The following NFE2L3 variants were observed in gnomAD, a reference collection of about 807,000 sequenced individuals.
NFE2L3 encodes NFE2 like bZIP transcription factor 3.
Under a neutral mutation model 23.5 loss-of-function variants are expected in NFE2L3, and 18 were observed. That is an observed-to-expected ratio of 0.77 (90% CI 0.53 to 1.13). The LOEUF (loss-of-function observed/expected upper bound fraction) is 1.13, where lower values mean the gene tolerates loss of function less well. Ranked by LOEUF, NFE2L3 falls within the 50% of genes most tolerant of loss-of-function variation. The probability of loss-of-function intolerance (pLI) is 0.00; values close to 1 mark genes in which losing one functional copy is unlikely to be tolerated. For synonymous variants in NFE2L3, 424 were observed against 354.5 expected (o/e 1.20, Z -2.20); for missense variants, 1,152 against 877.2 (o/e 1.31, Z -3.96).
At chr7:26,160,346 AGGT>A (rs1784149064) in intron 1 of NFE2L3, among the ~76,000 whole-genome samples, 1 of 152,182 alleles carries the variant, frequency 6.6e-6, no homozygotes, top group Admixed American at 6.5e-5. Flanking sequence ...GTGGAGTTGC[AGGT>A]GGTGGTTGGC....
chr7:26,155,856 C>T (rs954348930), intron 1 of NFE2L3, among the ~76,000 whole-genome samples: 1 of 152,118 alleles, frequency 6.6e-6, no homozygotes, highest in Non-Finnish European at 1.5e-5. Flanking sequence ...TGTCTCATGT[C>T]AAGTGGGAGA....
chr7:26,183,428 A>G (rs1782381303), intron 2 of NFE2L3, among the ~76,000 whole-genome samples: 1 of 151,968 alleles, frequency 6.6e-6, no homozygotes, highest in Non-Finnish European at 1.5e-5. Context: ...CACAGCTGTA[A>G]TCCCAGCTAC....
intron 1 of NFE2L3, among the ~76,000 whole-genome samples, chr7:26,175,192 CA>C (rs55911511): frequency 0.062 from 6,347 of 101,766 alleles, 182 homozygotes; most frequent in Admixed American, 0.12. Context: ...TAAAAAATAC[CA>C]AAAAAAAAAA....
intron 1 of NFE2L3, among the ~76,000 whole-genome samples, chr7:26,170,196 A>G (rs554602454): frequency 6.6e-6 from 1 of 152,308 alleles, no homozygotes; most frequent in Non-Finnish European, 1.5e-5. Context: ...CAGGTTTTCA[A>G]GACTGATGTG....
intron 1 of NFE2L3, among the ~76,000 whole-genome samples, chr7:26,154,608 A>G (rs1784053268): frequency 6.6e-6 from 1 of 152,074 alleles, no homozygotes; most frequent in South Asian, 2.1e-4. Context: ...TGGAGTGCAA[A>G]GGTGCAATGA....
At chr7:26,183,666 T>C in intron 2 of NFE2L3, 35 bp from the exon 3 acceptor site, 2 of 1,351,628 alleles carry the variant, frequency 1.5e-6, no homozygotes, top group Non-Finnish European at 2.1e-6. Context: ...TTCAGTCTTT[T>C]ATGTGAAAGA....
chr7:26,166,881 C>T (rs1474372803), intron 1 of NFE2L3, among the ~76,000 whole-genome samples: 1 of 152,206 alleles, frequency 6.6e-6, no homozygotes, highest in Non-Finnish European at 1.5e-5. Context: ...TTTGAAGGTT[C>T]TTCCAACCCT....
rs539839421 is a variant in NFE2L3, at chr7:26,184,552, T to C, written c.854T>C (p.Ile285Thr). The C allele has an allele frequency of 4.1e-5, 66 of 1,611,872 alleles. 2 individuals carry two copies. Among genetic ancestry groups the C allele is most frequent in the Middle Eastern group, 3.3e-4 (2 of 6,052 alleles). The change falls in exon 4 of 4, where the codon ATT (isoleucine) becomes ACT (threonine). Residue 285 changes from isoleucine to threonine, a missense_variant. Coordinates refer to ENST00000056233, the MANE Select transcript of NFE2L3 (RefSeq NM_004289.7). ...TTTCAGGGCATCTCATTGGGAGATA[T>C]TCCTCTTCCAGGCAGTATCAGTGAT... ...NSLEGISLGDIPLPGSISDGM... is the reference protein window; with the variant it reads ...NSLEGISLGDTPLPGSISDGM...
At chr7:26,183,973 T>A (rs1325763482) in intron 3 of NFE2L3, 189 bp downstream of exon 3, 1 of 539,190 alleles carries the variant, frequency 1.9e-6, no homozygotes, top group Non-Finnish European at 3.3e-6. Flanking sequence ...AAAGGTATAA[T>A]CAAATTTAGA....
At chr7:26,159,084 G>T (rs1205000881) in intron 1 of NFE2L3, among the ~76,000 whole-genome samples, 3 of 152,132 alleles carry the variant, frequency 2.0e-5, no homozygotes, top group Non-Finnish European at 4.4e-5. Context: ...GCGTTTTGTG[G>T]GATGCCTCCT....
Position 26,152,416 on chromosome 7 carries a change from C to T in NFE2L3, c.-83C>T, listed in dbSNP as rs1383075409. The T allele has an allele frequency of 3.9e-5, 39 of 1,004,852 alleles. No homozygotes were observed. Among genetic ancestry groups the T allele is most frequent in the Non-Finnish European group, 4.7e-5 (37 of 794,098 alleles). The allele number at this position is 1,004,852 out of a possible 1,614,324, so 62.2% of individuals were successfully genotyped here. On this transcript the variant is annotated 5_prime_UTR_variant, in exon 1 of 4. Transcript: ENST00000056233. The surrounding 1 kb of genome is among the most constrained non-coding windows in gnomAD (Gnocchi z 4.4). ...GTTCCAGGCAGGTGCGGGCGGCGCGCGGGGTCCGCACGTGTCACCCCGGCG... is the reference window on the plus strand; with the variant it reads ...GTTCCAGGCAGGTGCGGGCGGCGCGTGGGGTCCGCACGTGTCACCCCGGCG...
At position 26,185,395 on chromosome 7, in the gene NFE2L3, T is replaced by G. The variant is rs571354002; in HGVS notation, c.1697T>G (p.Leu566Ter). The change falls in exon 4 of 4, where the codon TTA becomes TGA. Residue 566 changes from leucine (L) to a stop codon, truncating the protein, a stop_gained. Transcript: ENST00000056233. LOFTEE classifies it low-confidence loss of function (END_TRUNC). ...GMPVDSFNSM[L>*]SRYYLTDLQV... ...CCTGTTGATTCTTTCAATAGCATGTTAAGTAGATATTATCTGACAGACCTA... is the reference window on the plus strand; with the variant it reads ...CCTGTTGATTCTTTCAATAGCATGTGAAGTAGATATTATCTGACAGACCTA... 53 of 1,614,150 alleles carry G rather than the reference T, an allele frequency of 3.3e-5. No individual in the cohort carries two copies. In the South Asian group the frequency reaches 5.4e-4, roughly 16 times the overall value.
In NFE2L3 at chr7:26,182,118, AAATT is replaced by A. The variant is rs1216109185; in HGVS notation, c.751-1580_751-1577del. Among the ~76,000 whole-genome samples, 2 of 152,234 alleles carry A rather than the reference AAATT, an allele frequency of 1.3e-5. 1 individual carries two copies. The highest frequency in any genetic ancestry group is 4.8e-5 in the African/African-American group (2 of 41,452). On this transcript the variant is annotated intron_variant, in intron 2 of 3. Coordinates refer to ENST00000056233, the MANE Select transcript of NFE2L3 (RefSeq NM_004289.7). ...ACTACACAGAGCTCCTAACGAAAACAAATTAAGTCCTAGACATACCAGATTGAAA... is the reference window on the plus strand; with the variant it reads ...ACTACACAGAGCTCCTAACGAAAACAAAGTCCTAGACATACCAGATTGAAA...
At chr7:26,157,314 A>G (rs1477603678) in intron 1 of NFE2L3, among the ~76,000 whole-genome samples, 1 of 151,450 alleles carries the variant, frequency 6.6e-6, no homozygotes, top group African/African-American at 2.4e-5. Flanking sequence ...AGTAGCTGGG[A>G]CTACAGACGC....
At chr7:26,181,583 T>C (rs1259657043) in intron 2 of NFE2L3, among the ~76,000 whole-genome samples, 4 of 152,064 alleles carry the variant, frequency 2.6e-5, no homozygotes, top group African/African-American at 2.4e-5. Context: ...GAAAATGATA[T>C]AAACACTGGT....
In NFE2L3 at chr7:26,153,027, C is replaced by T. The variant is rs1309069473; in HGVS notation, c.529C>T (p.Pro177Ser). 3 of 1,525,896 alleles carry T rather than the reference C, an allele frequency of 2.0e-6. No homozygotes were observed. Among genetic ancestry groups the T allele is most frequent in the East Asian group, 2.6e-5 (1 of 38,598 alleles). The allele number at this position is 1,525,896 out of a possible 1,614,324, so 94.5% of individuals were successfully genotyped here. A position where few individuals can be genotyped will look rare whatever the true frequency, so the allele number is the denominator to read the frequency against. ...AGEEEKAPAEPTAQVPDAGGC... is the reference protein window; with the variant it reads ...AGEEEKAPAESTAQVPDAGGC... ...GGAAGAGGAGAAGGCACCCGCGGAA[C>T]CGACGGCTCAGGTGCCGGACGCTGG... The change falls in exon 1 of 4, where the codon CCG becomes TCG. Residue 177 changes from proline (P) to serine (S), a missense_variant. Coordinates refer to ENST00000056233, the MANE Select transcript of NFE2L3 (RefSeq NM_004289.7).
rs1030369978 is a variant in NFE2L3, at chr7:26,152,284, C to T, written c.-215C>T. 2.3e-5 allele frequency: 6 copies of T among 257,012 alleles called. No homozygotes were observed. Among genetic ancestry groups the T allele is most frequent in the South Asian group, 1.7e-4 (1 of 5,882 alleles). 15.9% of individuals were successfully genotyped at this position (257,012 alleles called of 1,614,324 possible). ...CTCCTTCTTCGCTTCTCCCGATCCC[C>T]GGCGGTGCCAGGCACGGTGCCGGCT... On this transcript the variant is annotated 5_prime_UTR_variant, in exon 1 of 4. Coordinates refer to ENST00000056233, the MANE Select transcript of NFE2L3 (RefSeq NM_004289.7). This position sits in a 1 kb window ranked among gnomAD's most constrained non-coding sequence, Gnocchi z 4.4.
chr7:26,160,647 C>T (rs992034981), intron 1 of NFE2L3, among the ~76,000 whole-genome samples: 3 of 152,186 alleles, frequency 2.0e-5, no homozygotes, highest in Admixed American at 1.3e-4. Flanking sequence ...CTCAGTTTTG[C>T]TCTTAAAGCT....
Position 26,152,330 on chromosome 7 carries a change from C to T in NFE2L3, c.-169C>T, listed in dbSNP as rs188640964. ...CGGCTGCCGAGGGAACGCCTTTGTGCCCGGTGCTGGGAACCCGCGACGGCC... is the reference window on the plus strand; with the variant it reads ...CGGCTGCCGAGGGAACGCCTTTGTGTCCGGTGCTGGGAACCCGCGACGGCC... On this transcript the variant is annotated 5_prime_UTR_variant, in exon 1 of 4. Transcript: ENST00000056233. This position sits in a 1 kb window ranked among gnomAD's most constrained non-coding sequence, Gnocchi z 4.4. 9.1e-5 allele frequency: 31 copies of T among 341,938 alleles called. No homozygotes were observed. Among genetic ancestry groups the T allele is most frequent in the Non-Finnish European group, 1.4e-4 (29 of 206,818 alleles). 21.2% of individuals were successfully genotyped at this position (341,938 alleles called of 1,614,324 possible). A position where few individuals can be genotyped will look rare whatever the true frequency, so the allele number is the denominator to read the frequency against.
Sources: allele counts gnomAD v4.1 joint callset (sites outside exome capture counted in the v4.1 genomes callset), GRCh38; gene constraint gnomAD v4.1.1; non-coding constraint Gnocchi (gnomAD v3.1); transcripts MANE v1.5; gene names NCBI Gene and HGNC (gene_info 2026-07-23, HGNC 2026-07-21).